The following NELL2 variants were observed in gnomAD, a reference collection of about 807,000 sequenced individuals.
NELL2 encodes neural EGFL like 2, also known as protein kinase C-binding protein NELL2.
Under a neutral mutation model 109.6 loss-of-function variants are expected in NELL2, and 41 were observed. That is an observed-to-expected ratio of 0.37 (90% confidence interval 0.29 to 0.49). NELL2 has a LOEUF of 0.49. Among genes scored for constraint, NELL2 ranks in the 20% least tolerant of loss-of-function variants. The pLI, the probability that NELL2 is intolerant of heterozygous loss-of-function variation, is 0.98. For missense variants in NELL2, 900 were observed against 1,008.3 expected, an observed-to-expected ratio of 0.89 and a Z score of 1.45; for synonymous variants, 355 against 344.7, an observed-to-expected ratio of 1.03 and a Z score of -0.33.
In NELL2 at chr12:44,508,767, T is replaced by C. The variant is rs567456603; in HGVS notation, c.*167A>G. On this transcript the variant is annotated 3_prime_UTR_variant, in exon 20 of 20. Coordinates refer to ENST00000429094, the MANE Select transcript of NELL2 (RefSeq NM_001145108.2). ...TAATTTTGCCCCAGTAATTTTCCTT[T>C]TGTGATTTTGTCAAGCTCCACAAAT... is the stretch of plus-strand genomic sequence containing the variant. The C allele has an allele frequency of 3.7e-4, 232 of 632,292 alleles. No homozygotes were observed. Among genetic ancestry groups the C allele is most frequent in the Non-Finnish European group, 5.7e-4 (202 of 357,232 alleles). The allele number at this position is 632,292 out of a possible 1,614,324, so 39.2% of individuals were successfully genotyped here.
At chr12:44,776,940 A>G (rs2136590654) in intron 7 of NELL2, 102 bp downstream of exon 7, 1 of 982,438 alleles carries the variant, frequency 1.0e-6, no homozygotes, top group Non-Finnish European at 1.6e-6. Context: ...ACAGTATAGT[A>G]TAAGAAGAGC....
Position 44,580,834 on chromosome 12 carries a change from C to T in NELL2, c.1663+26335G>A, listed in dbSNP as rs114194697. On this transcript the variant is annotated intron_variant, in intron 15 of 19. Coordinates refer to ENST00000429094, the MANE Select transcript of NELL2 (RefSeq NM_001145108.2). ...GGTATTTTATTATTTGTGAGCTGTACATTTCAGCTCATTTTATATAACAAA... is the reference window on the plus strand; with the variant it reads ...GGTATTTTATTATTTGTGAGCTGTATATTTCAGCTCATTTTATATAACAAA... Among the ~76,000 whole-genome samples, 696 of 152,214 alleles carry T rather than the reference C, an allele frequency of 4.6e-3. 6 individuals are homozygous for T. Among genetic ancestry groups the T allele is most frequent in the African/African-American group, 0.016 (654 of 41,540 alleles).
At chr12:44,754,291 T>C (rs535430708) in intron 9 of NELL2, among the ~76,000 whole-genome samples, 6 of 152,340 alleles carry the variant, frequency 3.9e-5, no homozygotes, top group South Asian at 2.1e-4. Flanking sequence ...ATTACAATGA[T>C]GTATAGTCTC....
chr12:44,779,562 A>T (rs1462171379), intron 5 of NELL2, 101 bp downstream of exon 5: 1 of 911,186 alleles, frequency 1.1e-6, no homozygotes, highest in Non-Finnish European at 1.7e-6. Context: ...CTAATTTACA[A>T]ATCAAATTAT....
intron 15 of NELL2, among the ~76,000 whole-genome samples, chr12:44,596,274 T>G (rs1944959558): frequency 6.6e-6 from 1 of 152,216 alleles, no homozygotes; most frequent in African/African-American, 2.4e-5. Flanking sequence ...CAAAGTTTAC[T>G]GCTATTTCAG....
At chr12:44,610,807 T>TTA in intron 14 of NELL2, 41 bp downstream of exon 14, 1 of 1,611,914 alleles carries the variant, frequency 6.2e-7, no homozygotes, top group East Asian at 2.2e-5. Context: ...ATGGATGGCA[T>TTA]TATACATAAT....
At chr12:44,518,091 T>C (rs1372703249) in intron 19 of NELL2, among the ~76,000 whole-genome samples, 1 of 152,036 alleles carries the variant, frequency 6.6e-6, no homozygotes, top group South Asian at 2.1e-4. Flanking sequence ...ATAAAGAAAA[T>C]AGTATTTAAT....
chr12:44,846,062 A>G (rs1181501122), intron 2 of NELL2, among the ~76,000 whole-genome samples: 1 of 152,226 alleles, frequency 6.6e-6, no homozygotes, highest in Non-Finnish European at 1.5e-5. Flanking sequence ...CATTTACACC[A>G]GGAGCACTAA....
intron 9 of NELL2, among the ~76,000 whole-genome samples, chr12:44,741,299 A>G (rs974260393): frequency 1.3e-5 from 2 of 152,204 alleles, no homozygotes; most frequent in African/African-American, 4.8e-5. Flanking sequence ...AAGCTGTATC[A>G]TAACAATACA....
intron 15 of NELL2, among the ~76,000 whole-genome samples, chr12:44,553,888 C>A (rs977224716): frequency 6.6e-6 from 1 of 152,146 alleles, no homozygotes; most frequent in African/African-American, 2.4e-5. Flanking sequence ...CATGCACACA[C>A]ACGCACACAT....
intron 9 of NELL2, among the ~76,000 whole-genome samples, chr12:44,768,027 G>A (rs1941403807): frequency 6.6e-6 from 1 of 152,186 alleles, no homozygotes; most frequent in South Asian, 2.1e-4. Context: ...CTAGCATACA[G>A]GACACAGCAG....
chr12:44,847,241 G>T (rs1296782948), intron 2 of NELL2, among the ~76,000 whole-genome samples: 1 of 152,156 alleles, frequency 6.6e-6, no homozygotes, highest in Non-Finnish European at 1.5e-5. Context: ...ATTAAAAGTA[G>T]AATATTTGAA....
intron 2 of NELL2, chr12:44,851,964 A>C (rs941558588): frequency 3.9e-5 from 6 of 152,204 alleles, no homozygotes; most frequent in African/African-American, 1.4e-4. Flanking sequence ...TTTATTTTTA[A>C]GTACATTTGG....
chr12:44,664,063 A>C (rs540387651), intron 13 of NELL2, among the ~76,000 whole-genome samples: 1 of 152,114 alleles, frequency 6.6e-6, no homozygotes, highest in Non-Finnish European at 1.5e-5. Context: ...TTTCTTGTTA[A>C]AGATGAAATG....
chr12:44,899,625 G>T (rs1042619959), intron 1 of NELL2, among the ~76,000 whole-genome samples: 4 of 152,082 alleles, frequency 2.6e-5, no homozygotes, highest in African/African-American at 9.7e-5. Flanking sequence ...ACTAAATATG[G>T]AAAGGAAAAA....
chr12:44,756,625 T>C (rs1278410836), intron 9 of NELL2, among the ~76,000 whole-genome samples: 3 of 152,290 alleles, frequency 2.0e-5, no homozygotes, highest in South Asian at 2.1e-4. Context: ...AAAAGCATCA[T>C]TGATGTCCTC....
At chr12:44,629,552 A>C (rs1592234627) in intron 13 of NELL2, among the ~76,000 whole-genome samples, 1 of 152,296 alleles carries the variant, frequency 6.6e-6, no homozygotes, top group Middle Eastern at 3.4e-3. Flanking sequence ...ATATCTATTA[A>C]GCCAAAGTCT....
intron 9 of NELL2, among the ~76,000 whole-genome samples, chr12:44,768,448 T>C (rs948711114): frequency 6.6e-6 from 1 of 152,184 alleles, no homozygotes; most frequent in Non-Finnish European, 1.5e-5. Context: ...AAGCTCATTA[T>C]CTTAAAGTAA....
At chr12:44,772,663 T>C (rs1222803073) in intron 9 of NELL2, among the ~76,000 whole-genome samples, 1 of 152,170 alleles carries the variant, frequency 6.6e-6, no homozygotes, top group East Asian at 1.9e-4. Flanking sequence ...CAAGCAAACA[T>C]AAGCATGAAC....
Sources: allele counts gnomAD v4.1 joint callset (sites outside exome capture counted in the v4.1 genomes callset), GRCh38; gene constraint gnomAD v4.1.1; transcripts MANE v1.5; gene names NCBI Gene and HGNC (gene_info 2026-07-23, HGNC 2026-07-21).